The following THADA variants were observed in gnomAD, a reference collection of about 807,000 sequenced individuals.
THADA encodes the protein THADA armadillo repeat containing, also known as tRNA (32-2'-O)-methyltransferase regulator THADA.
Under a neutral mutation model 219.8 loss-of-function variants are expected in THADA, and 213 were observed. The ratio of observed to expected loss-of-function variants is 0.97; its 90% confidence interval spans 0.87 to 1.09. THADA has a LOEUF of 1.09. THADA is among the 50% of genes least tolerant of loss of function. The probability of loss-of-function intolerance (pLI) is 0.00; values close to 1 mark genes in which losing one functional copy is unlikely to be tolerated. For missense variants in THADA, 2,956 were observed against 2,311.3 expected, an observed-to-expected ratio of 1.28 and a Z score of -5.72; for synonymous variants, 1,018 against 828.9, an observed-to-expected ratio of 1.23 and a Z score of -3.92.
chr2:43,480,824 GAA>G lies in THADA; in HGVS notation c.3836+4408_3836+4409del, dbSNP rs1255582214. Among the ~76,000 whole-genome samples, 587 of 129,262 alleles carry G rather than the reference GAA, an allele frequency of 4.5e-3. 2 individuals are homozygous for G. The highest frequency in any genetic ancestry group is 0.015 in the African/African-American group (530 of 35,144). 84.8% of individuals were successfully genotyped at this position (129,262 alleles called of 152,430 possible). On this transcript the variant is annotated intron_variant, in intron 26 of 37. Transcript: ENST00000405975. ...CAGTGCGAGACTCTGTCTTGGGGGG[GAA>G]AAAAAAAAAAAAGAAAAAAAAATTA... is the stretch of plus-strand genomic sequence containing the variant.
At chr2:43,498,282 T>A (rs1573946453) in intron 25 of THADA, among the ~76,000 whole-genome samples, 1 of 152,042 alleles carries the variant, frequency 6.6e-6, no homozygotes, top group African/African-American at 2.4e-5. Flanking sequence ...CTCGGGATGA[T>A]GAAAATGTTC....
At chr2:43,460,769 A>G (rs2104927843) in intron 26 of THADA, among the ~76,000 whole-genome samples, 1 of 152,340 alleles carries the variant, frequency 6.6e-6, no homozygotes, top group East Asian at 1.9e-4. Context: ...GTGGTATAAC[A>G]TTGCTCTGGA....
intron 36 of THADA, among the ~76,000 whole-genome samples, chr2:43,273,113 G>A (rs1672311193): frequency 6.6e-6 from 1 of 152,068 alleles, no homozygotes; most frequent in Non-Finnish European, 1.5e-5. Flanking sequence ...GCCAGCCATG[G>A]TGGTGTGTGT....
At chr2:43,249,082 G>T (rs1669551799) in intron 36 of THADA, among the ~76,000 whole-genome samples, 1 of 151,892 alleles carries the variant, frequency 6.6e-6, no homozygotes, top group Non-Finnish European at 1.5e-5. Context: ...CAGAACAATG[G>T]TAGCCTTCCT....
chr2:43,234,294 A>G (rs1200180535), intron 36 of THADA, among the ~76,000 whole-genome samples: 2 of 152,222 alleles, frequency 1.3e-5, no homozygotes, highest in Non-Finnish European at 2.9e-5. Context: ...GTGACCCTGC[A>G]GTAGGGCCAG....
At chr2:43,419,867 C>G (rs574210333) in intron 28 of THADA, among the ~76,000 whole-genome samples, 1 of 152,282 alleles carries the variant, frequency 6.6e-6, no homozygotes, top group East Asian at 1.9e-4. Context: ...GACTTAAATG[C>G]AACACTCAGG....
chr2:43,487,795 C>T (rs1346604345), intron 25 of THADA, among the ~76,000 whole-genome samples: 1 of 152,156 alleles, frequency 6.6e-6, no homozygotes, highest in African/African-American at 2.4e-5. Context: ...CTTCACCAGA[C>T]ACTGAATCTG....
chr2:43,232,211 C>T (rs1667516330), intron 37 of THADA, among the ~76,000 whole-genome samples: 1 of 151,304 alleles, frequency 6.6e-6, no homozygotes, highest in African/African-American at 2.4e-5. Context: ...TGGAGTCTTG[C>T]TCTGTTGCCC....
intron 8 of THADA, among the ~76,000 whole-genome samples, 170 bp downstream of exon 8, chr2:43,581,571 A>G (rs1414822626): frequency 6.6e-6 from 1 of 151,510 alleles, no homozygotes; most frequent in African/African-American, 2.4e-5. Context: ...AAAGAAAAAA[A>G]AAAAAAACCA....
chr2:43,310,239 A>C (rs998658875), intron 31 of THADA, among the ~76,000 whole-genome samples: 3 of 57,064 alleles, frequency 5.3e-5, no homozygotes, highest in Non-Finnish European at 6.8e-5. Flanking sequence ...CCCCCCCCAA[A>C]CAAGCTGATC....
At chr2:43,559,644 A>G (rs1464199149) in intron 16 of THADA, among the ~76,000 whole-genome samples, 5 of 152,096 alleles carry the variant, frequency 3.3e-5, no homozygotes, top group African/African-American at 4.8e-5. Context: ...TTCACTTCCA[A>G]CCCCACCTTT....
intron 22 of THADA, among the ~76,000 whole-genome samples, chr2:43,522,482 C>T (rs962824647): frequency 6.6e-6 from 1 of 152,074 alleles, no homozygotes; most frequent in African/African-American, 2.4e-5. Context: ...GGAAGATGTA[C>T]CAGATAGCTG....
chr2:43,298,816 T>G (rs1261113663), intron 31 of THADA, among the ~76,000 whole-genome samples: 1 of 152,134 alleles, frequency 6.6e-6, no homozygotes, highest in African/African-American at 2.4e-5. Flanking sequence ...GGAGCAAGCA[T>G]GCTGATGAGT....
chr2:43,384,403 C>T (rs1672396129), intron 29 of THADA, among the ~76,000 whole-genome samples: 1 of 152,130 alleles, frequency 6.6e-6, no homozygotes, highest in Non-Finnish European at 1.5e-5. Flanking sequence ...GAAACCTACC[C>T]AACTCAGTAC....
In THADA at chr2:43,309,988, C is replaced by T. The variant is rs566057314; in HGVS notation, c.4438+10458G>A. 2.0e-4 allele frequency among the ~76,000 whole-genome samples: 30 copies of T among 152,158 alleles called. No individual in the cohort carries two copies. In the South Asian group the frequency reaches 6.0e-3, roughly 31 times the overall value. On this transcript the variant is annotated intron_variant, in intron 31 of 37. Transcript: ENST00000405975. ...ATAACAGCATCAAAAAGAATAGGAA[C>T]AAATTATTTAATGAAAGATGTGCAT...
chr2:43,362,199 G>C (rs1447096109), intron 29 of THADA, among the ~76,000 whole-genome samples: 1 of 152,178 alleles, frequency 6.6e-6, no homozygotes, highest in Non-Finnish European at 1.5e-5. Context: ...CGTCTTTCCT[G>C]TGTGTATTAG....
chr2:43,311,053 G>GTAA (rs930533120), intron 31 of THADA, among the ~76,000 whole-genome samples: 2 of 152,142 alleles, frequency 1.3e-5, no homozygotes, highest in African/African-American at 4.8e-5. Flanking sequence ...GCACATGCCT[G>GTAA]TAATCCCAGC....
At chr2:43,558,361 A>G (rs1379867880) in intron 16 of THADA, among the ~76,000 whole-genome samples, 1 of 152,196 alleles carries the variant, frequency 6.6e-6, no homozygotes, top group Non-Finnish European at 1.5e-5. Context: ...CTTTGGAAAT[A>G]TAATATTGTG....
chr2:43,376,083 A>G (rs1160774671), intron 29 of THADA, among the ~76,000 whole-genome samples: 1 of 152,122 alleles, frequency 6.6e-6, no homozygotes, highest in East Asian at 1.9e-4. Context: ...AAAACAGAAC[A>G]TCCCTCCTCT....
Sources: allele counts gnomAD v4.1 joint callset (sites outside exome capture counted in the v4.1 genomes callset), GRCh38; gene constraint gnomAD v4.1.1; transcripts MANE v1.5; gene names NCBI Gene and HGNC (gene_info 2026-07-23, HGNC 2026-07-21).